The following ANKS1B variants were observed in gnomAD, a reference collection of about 807,000 sequenced individuals.
ANKS1B encodes the protein ankyrin repeat and sterile alpha motif domain-containing protein 1B.
In ANKS1B, 36 loss-of-function variants were observed where a neutral mutation model predicts 148.3. That is an observed-to-expected ratio of 0.24 (90% confidence interval 0.19 to 0.32). The LOEUF (loss-of-function observed/expected upper bound fraction) is 0.32. Among genes scored for constraint, ANKS1B ranks in the 10% least tolerant of loss-of-function variants. The pLI, the probability that ANKS1B is intolerant of heterozygous loss-of-function variation, is 1.00. For synonymous variants in ANKS1B, 542 were observed against 560.8 expected, an observed-to-expected ratio of 0.97 and a Z score of 0.47; for missense variants, 1,157 against 1,542.6, an observed-to-expected ratio of 0.75 and a Z score of 4.19.
chr12:99,398,046 G>A (rs2094300486), intron 12 of ANKS1B, among the ~76,000 whole-genome samples: 1 of 152,060 alleles, frequency 6.6e-6, no homozygotes. Context: ...TCAGGAACCA[G>A]GCTAAATTAG....
rs141278161 is a variant in ANKS1B, at chr12:99,379,871, T to C, written c.1756+19760A>G. Reference sequence around the variant, plus strand: ...GTTTAATTAGTGAATATTATAATTATGTGTTCTGAAAGTTGTATGAATTTC... The same window carrying C: ...GTTTAATTAGTGAATATTATAATTACGTGTTCTGAAAGTTGTATGAATTTC... On this transcript the variant is annotated intron_variant, in intron 12 of 26. Transcript: ENST00000683438. 2.5e-3 allele frequency among the ~76,000 whole-genome samples: 376 copies of C among 152,376 alleles called. 2 individuals carry two copies. The highest frequency in any genetic ancestry group is 8.3e-3 in the African/African-American group (344 of 41,594).
At chr12:99,485,531 T>C (rs888628596) in intron 10 of ANKS1B, among the ~76,000 whole-genome samples, 2 of 152,172 alleles carry the variant, frequency 1.3e-5, no homozygotes, top group African/African-American at 2.4e-5. Flanking sequence ...CTTCTTGAAT[T>C]TGATATCTAG....
intron 14 of ANKS1B, among the ~76,000 whole-genome samples, chr12:99,196,971 T>A (rs765967395): frequency 6.6e-6 from 1 of 152,132 alleles, no homozygotes; most frequent in Non-Finnish European, 1.5e-5. Context: ...CAGGCTTATA[T>A]CATCCTACCT....
chr12:99,826,547 T>C (rs959321887), intron 1 of ANKS1B, among the ~76,000 whole-genome samples: 1 of 152,056 alleles, frequency 6.6e-6, no homozygotes, highest in African/African-American at 2.4e-5. Flanking sequence ...TAGGCTTACA[T>C]GACTAGAAAA....
chr12:99,315,591 A>G (rs571835373), intron 12 of ANKS1B, among the ~76,000 whole-genome samples: 1 of 152,332 alleles, frequency 6.6e-6, no homozygotes, highest in East Asian at 1.9e-4. Flanking sequence ...TAATTCACAT[A>G]ACATAAAATT....
rs185405056 is a variant in ANKS1B at position 99,224,611 on chromosome 12, G to A, written c.2419+19731C>T. The stretch of plus-strand genomic sequence containing the variant: ...TGAAGCCTCCCCAGAAGCAGATGCC[G>A]CTATACTTCCTATAAAGCCTGGAGA... On this transcript the variant is annotated intron_variant, in intron 14 of 26. Transcript: ENST00000683438. Among the ~76,000 whole-genome samples the A allele has an allele frequency of 2.4e-4, 36 of 152,168 alleles. No homozygotes were observed. In the East Asian group the frequency reaches 6.0e-3, roughly 25 times the overall value.
intron 25 of ANKS1B, among the ~76,000 whole-genome samples, chr12:98,766,784 G>A (rs954279348): frequency 6.6e-6 from 1 of 152,058 alleles, no homozygotes; most frequent in Non-Finnish European, 1.5e-5. Flanking sequence ...AGTAATCTCG[G>A]CATTTAAAAA....
rs146000503 is a variant in ANKS1B, at chr12:99,484,556, G to T, written c.1438+19920C>A. On this transcript the variant is annotated intron_variant, in intron 10 of 26. Transcript: ENST00000683438. ...TCCACCGTTTCTTTGTTGATTTTAC[G>T]TCTCAAAGATCTGTCTAGTGGTGTC... 2.0e-5 allele frequency among the ~76,000 whole-genome samples: 3 copies of T among 151,892 alleles called. No homozygotes were observed. The South Asian group carries it at 6.2e-4, about 32-fold the overall frequency.
At chr12:99,190,715 A>G (rs536432216) in intron 14 of ANKS1B, among the ~76,000 whole-genome samples, 2 of 152,322 alleles carry the variant, frequency 1.3e-5, no homozygotes, top group South Asian at 2.1e-4. Context: ...AAAAACTTAA[A>G]TGTAAGACCT....
intron 9 of ANKS1B, among the ~76,000 whole-genome samples, chr12:99,595,344 C>A (rs990377129): frequency 4.6e-5 from 7 of 151,748 alleles, no homozygotes; most frequent in Admixed American, 4.6e-4. Context: ...AATATTTGGA[C>A]AAGCTTCAAT....
At chr12:99,000,003 A>G (rs897962669) in intron 17 of ANKS1B, among the ~76,000 whole-genome samples, 1 of 152,182 alleles carries the variant, frequency 6.6e-6, no homozygotes, top group East Asian at 1.9e-4. Flanking sequence ...GAAAAATTTC[A>G]GTTTACAAGA....
chr12:99,334,634 T>G (rs979382212), intron 12 of ANKS1B, among the ~76,000 whole-genome samples: 1 of 151,998 alleles, frequency 6.6e-6, no homozygotes, highest in African/African-American at 2.4e-5. Context: ...TGTCCAGACG[T>G]TTTCCTCCCT....
At chr12:99,650,305 T>C (rs2098410170) in intron 9 of ANKS1B, among the ~76,000 whole-genome samples, 1 of 147,954 alleles carries the variant, frequency 6.8e-6, no homozygotes, top group Non-Finnish European at 1.5e-5. Context: ...TCTCTCTCTC[T>C]CTCCTCTCTC....
chr12:99,531,629 T>C (rs2096992118), intron 9 of ANKS1B, among the ~76,000 whole-genome samples: 1 of 152,204 alleles, frequency 6.6e-6, no homozygotes, highest in African/African-American at 2.4e-5. Context: ...CTGAGATTGA[T>C]TCCGTATCTT....
At chr12:99,312,933 T>C (rs910103418) in intron 12 of ANKS1B, among the ~76,000 whole-genome samples, 5 of 151,776 alleles carry the variant, frequency 3.3e-5, no homozygotes, top group African/African-American at 1.2e-4. Context: ...AGAGCAGAAC[T>C]GAAGGAGATG....
chr12:99,516,668 T>C (rs887605457), intron 9 of ANKS1B, among the ~76,000 whole-genome samples: 9 of 151,994 alleles, frequency 5.9e-5, no homozygotes, highest in Admixed American at 1.3e-4. Context: ...GGTGGATAGG[T>C]GCAGCAAACC....
chr12:99,597,705 C>A (rs946462304), intron 9 of ANKS1B, among the ~76,000 whole-genome samples: 1 of 151,928 alleles, frequency 6.6e-6, no homozygotes, highest in African/African-American at 2.4e-5. Flanking sequence ...TCAGTTAATC[C>A]TATATCAAAT....
chr12:99,374,570 T>C (rs1217911047), intron 12 of ANKS1B, among the ~76,000 whole-genome samples: 1 of 152,218 alleles, frequency 6.6e-6, no homozygotes, highest in East Asian at 1.9e-4. Context: ...CTTAAATGTA[T>C]GTATAGTTCA....
chr12:99,463,117 T>A (rs12296790), intron 10 of ANKS1B, among the ~76,000 whole-genome samples: 1 of 152,198 alleles, frequency 6.6e-6, no homozygotes, highest in African/African-American at 2.4e-5. Context: ...AATACCCTAA[T>A]AGAAAACTGG....
Sources: gnomAD v4.1 joint callset for allele counts (sites outside exome capture counted in the v4.1 genomes callset) on GRCh38, gnomAD v4.1.1 for gene constraint, MANE v1.5 for transcripts, NCBI Gene and HGNC (gene_info 2026-07-23, HGNC 2026-07-21) for gene names.